The following SH3KBP1 variants were observed in gnomAD, a reference collection of about 807,000 sequenced individuals.
SH3KBP1 encodes SH3 domain-containing kinase-binding protein 1.
SH3KBP1 carries 8 observed loss-of-function variants against 50.1 expected under a neutral mutation model. The ratio of observed to expected loss-of-function variants is 0.16; its 90% CI spans 0.09 to 0.29. The LOEUF is 0.29. Ranked by LOEUF, SH3KBP1 falls within the 10% of genes least tolerant of loss-of-function variation. The pLI is 1.00. For synonymous variants in SH3KBP1, 227 were observed against 218.6 expected (o/e 1.04, Z -0.34); for missense variants, 377 against 535.2 (o/e 0.70, Z 2.92).
intron 6 of SH3KBP1, among the ~76,000 whole-genome samples, chrX:19,675,653 C>T (rs2062911385): frequency 9.0e-6 from 1 of 111,554 alleles, no homozygotes; most frequent in Non-Finnish European, 1.9e-5. Flanking sequence ...ATCCACCTGC[C>T]TTGGCTGGGA....
chrX:19,592,243 A>G, intron 10 of SH3KBP1, 96 bp from the exon 11 acceptor site: 1 of 745,971 alleles, frequency 1.3e-6, no homozygotes, highest in Admixed American at 2.7e-5. Flanking sequence ...GAGCAAAGTC[A>G]GTAAGATTTT....
At chrX:19,670,053 T>A (rs1257289706) in intron 6 of SH3KBP1, among the ~76,000 whole-genome samples, 3 of 111,098 alleles carry the variant, frequency 2.7e-5, no homozygotes, top group Non-Finnish European at 5.7e-5. Context: ...GCCTTACTTA[T>A]CCTGTGGTTT....
chrX:19,819,491 G>A (rs1222045747), intron 2 of SH3KBP1, among the ~76,000 whole-genome samples: 1 of 110,282 alleles, frequency 9.1e-6, no homozygotes, highest in Non-Finnish European at 1.9e-5. Flanking sequence ...GCACCACCAC[G>A]TCCAGCTAAT....
At chrX:19,722,514 C>A (rs1197200742) in intron 3 of SH3KBP1, among the ~76,000 whole-genome samples, 1 of 109,519 alleles carries the variant, frequency 9.1e-6, no homozygotes, top group Non-Finnish European at 1.9e-5. Context: ...TTGCTCCCAG[C>A]CCTACTCAGC....
At chrX:19,871,755 A>G (rs1481372702) in intron 1 of SH3KBP1, among the ~76,000 whole-genome samples, 2 of 110,918 alleles carry the variant, frequency 1.8e-5, no homozygotes, top group Non-Finnish European at 3.8e-5. Context: ...TAAGAGCACA[A>G]TTTTTTCAGA....
intron 2 of SH3KBP1, among the ~76,000 whole-genome samples, chrX:19,749,290 T>C (rs181493963): frequency 1.8e-3 from 198 of 112,495 alleles, no homozygotes; most frequent in African/African-American, 6.3e-3. Context: ...CTTCTAGGTA[T>C]ATACTCAAAA....
At chrX:19,753,666 G>T (rs186357285) in intron 2 of SH3KBP1, among the ~76,000 whole-genome samples, 13 of 111,542 alleles carry the variant, frequency 1.2e-4, no homozygotes, top group Middle Eastern at 4.6e-3. Context: ...ACTACCAAGG[G>T]GAGCTTCAGC....
At chrX:19,695,002 T>C in intron 5 of SH3KBP1, 4 of 1,199,778 alleles carry the variant, frequency 3.3e-6, no homozygotes, top group Non-Finnish European at 4.5e-6. Flanking sequence ...GACCTTTTGC[T>C]CCGTGAGCTG....
intron 2 of SH3KBP1, among the ~76,000 whole-genome samples, chrX:19,790,897 C>T (rs1481707862): frequency 5.4e-5 from 6 of 111,247 alleles, no homozygotes; most frequent in African/African-American, 2.0e-4. Flanking sequence ...CACCTCAATT[C>T]TAATTGAGGC....
At chrX:19,622,957 C>T (rs1186399764) in intron 8 of SH3KBP1, among the ~76,000 whole-genome samples, 2 of 105,463 alleles carry the variant, frequency 1.9e-5, no homozygotes, top group African/African-American at 7.0e-5. Flanking sequence ...GCACGAGAAT[C>T]GCTTGAACCC....
intron 4 of SH3KBP1, among the ~76,000 whole-genome samples, chrX:19,703,494 G>A (rs1355112871): frequency 1.8e-5 from 2 of 111,589 alleles, no homozygotes; most frequent in Non-Finnish European, 3.8e-5. Context: ...CCATATTTAG[G>A]GAAGTGGCCT....
chrX:19,566,858 A>T (rs2147811425), intron 13 of SH3KBP1, among the ~76,000 whole-genome samples: 1 of 111,423 alleles, frequency 9.0e-6, no homozygotes, highest in African/African-American at 3.3e-5. Flanking sequence ...AGCCTGCATG[A>T]GATCAGACCA....
chrX:19,662,595 A>T (rs930878896), intron 6 of SH3KBP1, among the ~76,000 whole-genome samples: 5 of 111,834 alleles, frequency 4.5e-5, no homozygotes, highest in African/African-American at 1.6e-4. Flanking sequence ...AAGTAATTAC[A>T]GTTTCTCAAA....
chrX:19,551,256 G>C (rs939360662), intron 13 of SH3KBP1, among the ~76,000 whole-genome samples: 2 of 111,671 alleles, frequency 1.8e-5, no homozygotes, highest in African/African-American at 6.5e-5. Context: ...CAGGTATAAC[G>C]AAAGGTTAAC....
intron 10 of SH3KBP1, among the ~76,000 whole-genome samples, chrX:19,594,514 T>A (rs1396766293): frequency 8.9e-6 from 1 of 112,069 alleles, no homozygotes; most frequent in Non-Finnish European, 1.9e-5. Flanking sequence ...GGGACAGATA[T>A]CGAAAATTCA....
At chrX:19,743,862 A>G (rs1405677050) in intron 3 of SH3KBP1, among the ~76,000 whole-genome samples, 1 of 112,810 alleles carries the variant, frequency 8.9e-6, no homozygotes, top group Non-Finnish European at 1.9e-5. Flanking sequence ...AACTTCAAGC[A>G]TGTATCAAAT....
intron 2 of SH3KBP1, among the ~76,000 whole-genome samples, chrX:19,818,282 T>C (rs1324167108): frequency 8.9e-6 from 1 of 112,605 alleles, no homozygotes; most frequent in Non-Finnish European, 1.9e-5. Flanking sequence ...TTTGATCTTA[T>C]ATCCTGTGAC....
chrX:19,628,446 GT>G (rs1470778834), intron 8 of SH3KBP1, among the ~76,000 whole-genome samples: 1 of 111,266 alleles, frequency 9.0e-6, no homozygotes, highest in Non-Finnish European at 1.9e-5. Context: ...CTCAGAGGGG[GT>G]AAGCAACATG....
intron 7 of SH3KBP1, among the ~76,000 whole-genome samples, chrX:19,633,615 A>C (rs2061628645): frequency 1.8e-5 from 2 of 112,468 alleles, no homozygotes; most frequent in Admixed American, 9.4e-5. Flanking sequence ...TCACTGAAGA[A>C]CTGCACTACA....
Sources: gnomAD v4.1 joint callset for allele counts (sites outside exome capture counted in the v4.1 genomes callset) on GRCh38, gnomAD v4.1.1 for gene constraint, MANE v1.5 for transcripts, NCBI Gene and HGNC (gene_info 2026-07-23, HGNC 2026-07-21) for gene names.